Variants in CCDC91 observed in about 807,000 individuals in gnomAD.
CCDC91 encodes coiled-coil domain containing 91.
Under a neutral mutation model 63.2 loss-of-function variants are expected in CCDC91, and 48 were observed. The ratio of observed to expected loss-of-function variants is 0.76; its 90% CI spans 0.60 to 0.97. The LOEUF is 0.97. Among genes scored for constraint, CCDC91 ranks in the 50% least tolerant of loss-of-function variants. The pLI, the probability that CCDC91 is intolerant of heterozygous loss-of-function variation, is 0.00. For synonymous variants in CCDC91, 167 were observed against 165.8 expected, an observed-to-expected ratio of 1.01 and a Z score of -0.06; for missense variants, 500 against 494.6, an observed-to-expected ratio of 1.01 and a Z score of -0.10.
chr12:28,368,830 AAGAG>A lies in CCDC91; in HGVS notation c.654+6337_654+6340del, dbSNP rs140061205. Among the ~76,000 whole-genome samples the A allele has an allele frequency of 1.9e-3, 288 of 148,488 alleles. 1 individual carries two copies. Among genetic ancestry groups the A allele is most frequent in the African/African-American group, 5.3e-3 (215 of 40,476 alleles). ...CAAGGCAGCAGTGGGGAGAGAGAGAAAGAGAGAGAGAGAGAGAGAGAGAGATCAG... is the reference window on the plus strand; with the variant it reads ...CAAGGCAGCAGTGGGGAGAGAGAGAAAGAGAGAGAGAGAGAGAGAGATCAG... On this transcript the variant is annotated intron_variant, in intron 7 of 12. Transcript: ENST00000536442.
At chr12:28,293,199 CAT>C (rs1949352467) in intron 3 of CCDC91, among the ~76,000 whole-genome samples, 2 of 152,122 alleles carry the variant, frequency 1.3e-5, no homozygotes, top group Non-Finnish European at 2.9e-5. Context: ...GAGAATAAGA[CAT>C]AAAATCTGCA....
intron 1 of CCDC91, among the ~76,000 whole-genome samples, chr12:28,251,621 T>G (rs765800637): frequency 1.3e-5 from 2 of 152,080 alleles, no homozygotes; most frequent in East Asian, 3.9e-4. Context: ...TCCTCCATGC[T>G]TTTCCAGCCT....
At chr12:28,448,084 A>T (rs1179497421) in intron 8 of CCDC91, among the ~76,000 whole-genome samples, 3 of 152,160 alleles carry the variant, frequency 2.0e-5, no homozygotes, top group Non-Finnish European at 4.4e-5. Flanking sequence ...ATAATGAGGT[A>T]TAATGTACTG....
intron 8 of CCDC91, among the ~76,000 whole-genome samples, chr12:28,397,492 A>G (rs1946363405): frequency 6.6e-6 from 1 of 152,116 alleles, no homozygotes; most frequent in Non-Finnish European, 1.5e-5. Flanking sequence ...CCCAGTCTAG[A>G]AAGATTAAAA....
intron 8 of CCDC91, among the ~76,000 whole-genome samples, chr12:28,437,268 A>T (rs1948959694): frequency 6.6e-6 from 1 of 152,158 alleles, no homozygotes; most frequent in South Asian, 2.1e-4. Flanking sequence ...ACATTTTATA[A>T]ACATATATCT....
chr12:28,513,762 C>T (rs1271647744), intron 12 of CCDC91, among the ~76,000 whole-genome samples: 1 of 151,814 alleles, frequency 6.6e-6, no homozygotes, highest in Non-Finnish European at 1.5e-5. Context: ...TGGCTTCCAG[C>T]TCCATTCATG....
intron 7 of CCDC91, among the ~76,000 whole-genome samples, chr12:28,373,609 T>C (rs1328996693): frequency 2.5e-5 from 1 of 39,316 alleles, no homozygotes; most frequent in African/African-American, 4.2e-5. Flanking sequence ...TACAAGTTTC[T>C]ATACATTTTT....
At chr12:28,506,025 T>C (rs1938668564) in intron 12 of CCDC91, among the ~76,000 whole-genome samples, 1 of 152,042 alleles carries the variant, frequency 6.6e-6, no homozygotes, top group South Asian at 2.1e-4. Context: ...ATTACACATA[T>C]TTCTGGAAGC....
At chr12:28,348,403 C>T (rs1194010212) in intron 6 of CCDC91, among the ~76,000 whole-genome samples, 1 of 152,174 alleles carries the variant, frequency 6.6e-6, no homozygotes, top group Non-Finnish European at 1.5e-5. Context: ...GCCCGCGTAC[C>T]CACTCATGTC....
At chr12:28,489,673 G>A (rs1229940403) in intron 12 of CCDC91, among the ~76,000 whole-genome samples, 1 of 151,788 alleles carries the variant, frequency 6.6e-6, no homozygotes, top group African/African-American at 2.4e-5. Flanking sequence ...TTTAATTTAG[G>A]TTTTTAGAGA....
chr12:28,359,085 AG>A (rs1943708851), intron 6 of CCDC91, among the ~76,000 whole-genome samples: 3 of 152,066 alleles, frequency 2.0e-5, no homozygotes, highest in Non-Finnish European at 2.9e-5. Context: ...TAGTAGAGAC[AG>A]GGTTTCACTA....
rs551264437 is a variant in CCDC91, at chr12:28,293,685, T to C, written c.110-11964T>C. ...CATCTCTCTGTCTCTTTTTAACTTA[T>C]CCTTTTCCTATTTGGTTCTCTGTAG... is the stretch of plus-strand genomic sequence containing the variant. On this transcript the variant is annotated intron_variant, in intron 3 of 12. Coordinates refer to ENST00000536442, the MANE Select transcript of CCDC91 (RefSeq NM_018318.5). Among the ~76,000 whole-genome samples the C allele has an allele frequency of 1.1e-3, 163 of 152,294 alleles. 1 individual carries two copies. Among genetic ancestry groups the C allele is most frequent in the African/African-American group, 3.6e-3 (148 of 41,568 alleles).
chr12:28,503,172 G>T (rs895889580), intron 12 of CCDC91, among the ~76,000 whole-genome samples: 1 of 151,924 alleles, frequency 6.6e-6, no homozygotes, highest in African/African-American at 2.4e-5. Flanking sequence ...GAAAATTTTC[G>T]CAACCTACTA....
At chr12:28,351,963 G>GGCAT (rs1419281814) in intron 6 of CCDC91, among the ~76,000 whole-genome samples, 1 of 152,070 alleles carries the variant, frequency 6.6e-6, no homozygotes, top group Admixed American at 6.5e-5. Flanking sequence ...ACCCTATACA[G>GGCAT]GCATGCCTTG....
chr12:28,488,761 A>C (rs1310358056), intron 12 of CCDC91, among the ~76,000 whole-genome samples: 1 of 151,930 alleles, frequency 6.6e-6, no homozygotes, highest in Non-Finnish European at 1.5e-5. Context: ...AAAAGATTTA[A>C]AAATATATTT....
chr12:28,268,482 A>C (rs886335994), intron 3 of CCDC91: 1 of 160,684 alleles, frequency 6.2e-6, no homozygotes, highest in Non-Finnish European at 1.3e-5. Flanking sequence ...CCTTTAAGAG[A>C]TCAGTAGGAA....
chr12:28,484,425 T>G (rs1227798479), intron 12 of CCDC91, among the ~76,000 whole-genome samples: 1 of 152,182 alleles, frequency 6.6e-6, no homozygotes, highest in Non-Finnish European at 1.5e-5. Flanking sequence ...CCAATTTAGC[T>G]TTACTTACAA....
At chr12:28,204,252 A>G (rs1942681098) in intron 1 of CCDC91, among the ~76,000 whole-genome samples, 1 of 152,204 alleles carries the variant, frequency 6.6e-6, no homozygotes, top group Non-Finnish European at 1.5e-5. Flanking sequence ...GGTTCTTACG[A>G]TATGAATATA....
At chr12:28,406,800 G>A (rs1425413894) in intron 8 of CCDC91, among the ~76,000 whole-genome samples, 1 of 129,900 alleles carries the variant, frequency 7.7e-6, no homozygotes, top group Non-Finnish European at 1.8e-5. Context: ...TATGGTATCA[G>A]ATTTTAACTA....
Sources: allele counts gnomAD v4.1 joint callset (sites outside exome capture counted in the v4.1 genomes callset), GRCh38; gene constraint gnomAD v4.1.1; transcripts MANE v1.5; gene names NCBI Gene and HGNC (gene_info 2026-07-23, HGNC 2026-07-21).